Variants in COL4A3 observed in about 807,000 individuals in gnomAD.
COL4A3 encodes the protein collagen alpha-3(IV) chain.
A neutral mutation model predicts 217.4 loss-of-function variants in COL4A3; 135 were observed. That is an observed-to-expected ratio of 0.62 (90% CI 0.54 to 0.72). The LOEUF (loss-of-function observed/expected upper bound fraction) is 0.72. COL4A3 is among the 30% of genes least tolerant of loss of function. The pLI is 0.00. For synonymous variants in COL4A3, 690 were observed against 736.3 expected (o/e 0.94, Z 1.02); for missense variants, 1,868 against 2,119.9 (o/e 0.88, Z 2.33).
At chr2:227,293,437 A>G (rs2072874955) in intron 38 of COL4A3, 120 bp downstream of exon 38, 2 of 1,146,386 alleles carry the variant, frequency 1.7e-6, no homozygotes, top group Non-Finnish European at 2.5e-6. Context: ...CTTTTATTCA[A>G]CTTTGAACTT....
intron 1 of COL4A3, among the ~76,000 whole-genome samples, chr2:227,219,576 C>A (rs907160980): frequency 1.3e-5 from 2 of 152,108 alleles, no homozygotes; most frequent in Non-Finnish European, 2.9e-5. Flanking sequence ...AATATCCAAA[C>A]GTTTGTATTC....
chr2:227,271,078 CA>C, intron 25 of COL4A3, 126 bp downstream of exon 25: 2 of 829,438 alleles, frequency 2.4e-6, no homozygotes, highest in Non-Finnish European at 4.1e-6. Context: ...CAGAATGAAA[CA>C]TCTTCAAATT....
At chr2:227,176,932 C>T (rs2065693383) in intron 1 of COL4A3, among the ~76,000 whole-genome samples, 1 of 151,828 alleles carries the variant, frequency 6.6e-6, no homozygotes, top group Admixed American at 6.6e-5. Flanking sequence ...TGCATGCTGG[C>T]TTTAAAAAAA....
intron 1 of COL4A3, among the ~76,000 whole-genome samples, chr2:227,215,439 G>A (rs912493020): frequency 1.3e-5 from 2 of 151,884 alleles, no homozygotes; most frequent in Non-Finnish European, 2.9e-5. Context: ...CTCCGTATGT[G>A]CTTGTTGTTT....
chr2:227,207,251 AAGTT>A (rs1426463277), intron 1 of COL4A3, among the ~76,000 whole-genome samples: 1 of 152,232 alleles, frequency 6.6e-6, no homozygotes, highest in Non-Finnish European at 1.5e-5. Flanking sequence ...ACAACCAAGA[AAGTT>A]AGTAACCCCA....
Position 227,304,973 on chromosome 2 carries a change from G to A in COL4A3, c.4154-12G>A, listed in dbSNP as rs1218170810. On this transcript the variant is annotated splice_polypyrimidine_tract_variant and intron_variant, in intron 46 of 51. Coordinates refer to ENST00000396578, the MANE Select transcript of COL4A3 (RefSeq NM_000091.5). ...TATGATAAAATGCAATACAATGTTG[G>A]TTTTTGCCTAGGACCCTGTGGGCCA... 6.2e-7 allele frequency: 1 copy of A among 1,610,976 alleles called. No individual in the cohort carries two copies. Among genetic ancestry groups the A allele is most frequent in the Admixed American group, 1.7e-5 (1 of 59,862 alleles).
chr2:227,241,334 AT>A (rs768249654), intron 3 of COL4A3, among the ~76,000 whole-genome samples: 1 of 152,220 alleles, frequency 6.6e-6, no homozygotes, highest in Non-Finnish European at 1.5e-5. Flanking sequence ...AAAAATGATT[AT>A]AATTGATCTA....
rs1229811135 is a variant in COL4A3, at chr2:227,297,767, T to G, written c.3659T>G (p.Ile1220Arg). 13 of 1,596,152 alleles carry G rather than the reference T, an allele frequency of 8.1e-6. No homozygotes were observed. Among genetic ancestry groups the G allele is most frequent in the Admixed American group, 1.8e-5 (1 of 56,998 alleles). Residue 1220 changes from isoleucine to arginine, a missense_variant, in exon 42 of 52, where the codon ATA becomes AGA. Ile to Arg is a moderately conservative substitution (Grantham distance 97, BLOSUM62 -3). Transcript: ENST00000396578. Reference sequence around the variant, plus strand: ...GCTGGACCTCGAGGACCCACAGGCATAGAAGGATTCCCAGGGCCACCAGGT... The same window carrying G: ...GCTGGACCTCGAGGACCCACAGGCAGAGAAGGATTCCCAGGGCCACCAGGT... ...GDAGPRGPTG[I>R]EGFPGPPGLP...
chr2:227,249,032 G>A (rs1425675750), intron 9 of COL4A3, among the ~76,000 whole-genome samples: 1 of 150,630 alleles, frequency 6.6e-6, no homozygotes, highest in Non-Finnish European at 1.5e-5. Flanking sequence ...TCCAGTTGAA[G>A]TGTTTGCTTT....
chr2:227,292,733 GCTA>G (rs1211633147), intron 37 of COL4A3, among the ~76,000 whole-genome samples: 1 of 152,156 alleles, frequency 6.6e-6, no homozygotes. Flanking sequence ...CTTACTCCCA[GCTA>G]CTCATCACAA....
At position 227,203,226 on chromosome 2, in the gene COL4A3, T is replaced by C. The variant is rs1454780378; in HGVS notation, c.88-34742T>C. On this transcript the variant is annotated intron_variant, in intron 1 of 51. Coordinates refer to ENST00000396578, the MANE Select transcript of COL4A3 (RefSeq NM_000091.5). ...ATGTGTATATACACACATATATGTG[T>C]ATATATGTGTATATATACATATATG... 8.8e-5 allele frequency among the ~76,000 whole-genome samples: 2 copies of C among 22,718 alleles called. 1 individual carries two copies. The highest frequency in any genetic ancestry group is 4.4e-4 in the African/African-American group (2 of 4,550). 14.9% of individuals were successfully genotyped at this position (22,718 alleles called of 152,430 possible). A position where few individuals can be genotyped will look rare whatever the true frequency, so the allele number is the denominator to read the frequency against.
At position 227,291,562 on chromosome 2, in the gene COL4A3, C is replaced by CA. The variant is rs869289707; in HGVS notation, c.3210+693dup. ...TGGGAGACACAGCGAGACTCCGTCT[C>CA]AAAAAAAAAAAAAAAAACAAAAAAA... On this transcript the variant is annotated intron_variant, in intron 37 of 51. Transcript: ENST00000396578. 2.1e-3 allele frequency among the ~76,000 whole-genome samples: 71 copies of CA among 34,318 alleles called. 3 individuals are homozygous for CA. The highest frequency in any genetic ancestry group is 0.011 in the African/African-American group (61 of 5,610). The allele number at this position is 34,318 out of a possible 152,430, so 22.5% of individuals were successfully genotyped here.
chr2:227,225,131 C>A (rs2068017910), intron 1 of COL4A3, among the ~76,000 whole-genome samples: 1 of 152,178 alleles, frequency 6.6e-6, no homozygotes, highest in Non-Finnish European at 1.5e-5. Flanking sequence ...GTCTCCAACC[C>A]CTGGGCTCAA....
intron 44 of COL4A3, 46 bp from the exon 45 acceptor site, chr2:227,303,813 C>G: frequency 1.3e-6 from 2 of 1,568,562 alleles, no homozygotes; most frequent in Non-Finnish European, 1.8e-6. Context: ...AACTAGGAAA[C>G]CCATTGATCT....
chr2:227,307,333 T>C (rs547980846), intron 47 of COL4A3, among the ~76,000 whole-genome samples: 5 of 152,348 alleles, frequency 3.3e-5, no homozygotes, highest in Non-Finnish European at 7.4e-5. Flanking sequence ...TCTACTCGAA[T>C]AGACTAAGTT....
intron 20 of COL4A3, among the ~76,000 whole-genome samples, chr2:227,261,647 T>A (rs2070576251): frequency 6.6e-6 from 1 of 152,242 alleles, no homozygotes; most frequent in South Asian, 2.1e-4. Context: ...TCAGCAGTTT[T>A]AACTATTTGC....
In COL4A3 at chr2:227,248,479, G is replaced by T; in HGVS notation, c.505G>T (p.Ala169Ser). ...PAKEEDIELDAKGDPGLPGAP... is the reference protein window; with the variant it reads ...PAKEEDIELDSKGDPGLPGAP... ...TAAAGAAGAAGATATAGAACTTGAT[G>T]CAAAAGGCGACCCCGGGTTGCCAGG... Residue 169 changes from alanine to serine, a missense_variant, in exon 9 of 52, where the codon GCA becomes TCA. By Grantham distance (99) the Ala-to-Ser change is moderately conservative (BLOSUM62 1). This residue lies in a region of COL4A3 where 365 missense variants were observed against 333.8 expected (regional missense o/e 1.09). Transcript: ENST00000396578. The T allele has an allele frequency of 6.2e-7, 1 of 1,613,290 alleles. No homozygotes were observed. The highest frequency in any genetic ancestry group is 8.5e-7 in the Non-Finnish European group (1 of 1,179,356).
chr2:227,225,709 CTTTTTT>C (rs71829862), intron 1 of COL4A3, among the ~76,000 whole-genome samples: 2 of 126,244 alleles, frequency 1.6e-5, no homozygotes, highest in African/African-American at 3.0e-5. Flanking sequence ...CTTTTTCTTT[CTTTTTT>C]TTTTTTTTTT....
chr2:227,249,463 C>T (rs6745411), intron 9 of COL4A3, among the ~76,000 whole-genome samples: 117,233 of 150,330 alleles, frequency 0.78, 46,390 homozygotes, highest in East Asian at 0.91. Flanking sequence ...CTCGAGCTCC[C>T]GACCTCAGGT....
Sources: gnomAD v4.1 joint callset for allele counts (sites outside exome capture counted in the v4.1 genomes callset) on GRCh38, gnomAD v4.1.1 for gene constraint, gnomAD v4.1.1 regional missense constraint, MANE v1.5 for transcripts, NCBI Gene and HGNC (gene_info 2026-07-23, HGNC 2026-07-21) for gene names.